The following SCO1 variants were observed in gnomAD, a reference collection of about 807,000 sequenced individuals.
SCO1 encodes the protein cytochrome c oxidase assembly factor SCO1.
Under a neutral mutation model 34.0 loss-of-function variants are expected in SCO1, and 23 were observed. The ratio of observed to expected loss-of-function variants is 0.68; its 90% confidence interval spans 0.49 to 0.96. The LOEUF is 0.96. Among genes scored for constraint, SCO1 ranks in the 40% least tolerant of loss-of-function variants. The pLI, the probability that SCO1 is intolerant of heterozygous loss-of-function variation, is 0.00. For synonymous variants in SCO1, 161 were observed against 145.5 expected (o/e 1.11, Z -0.77); for missense variants, 404 against 381.6 (o/e 1.06, Z -0.49).
At chr17:10,692,650 G>A (rs1443804508) in intron 3 of SCO1, 114 bp downstream of exon 3, 2 of 853,114 alleles carry the variant, frequency 2.3e-6, no homozygotes, top group Admixed American at 1.9e-5. Context: ...GAGATTTTAT[G>A]TTCTTACAAA....
In SCO1 at chr17:10,673,813, C is replaced by T. The variant is rs1567570304; in HGVS notation, c.*7306G>A. 2.0e-5 allele frequency: 3 copies of T among 152,168 alleles called. No homozygotes were observed. The highest frequency in any genetic ancestry group is 2.4e-5 in the African/African-American group (1 of 41,444). 9.4% of individuals were successfully genotyped at this position (152,168 alleles called of 1,614,324 possible). ...ATATTATAACAACTCGATGGAGAAA[C>T]GCTTGGTATACTGTGCTGAATAGAA... On this transcript the variant is annotated 3_prime_UTR_variant, in exon 6 of 6. Transcript: ENST00000255390.
rs1270305735 is a variant in SCO1 at position 10,686,712 on chromosome 17, G to A, written c.771+15C>T. Reference sequence around the variant, plus strand: ...GGGAGCTGGTCCATGGGTTAAAACTGGAACATTTACTCACTATGTAGTCTT... The same window carrying A: ...GGGAGCTGGTCCATGGGTTAAAACTAGAACATTTACTCACTATGTAGTCTT... On this transcript the variant is annotated intron_variant, in intron 5 of 5. Coordinates refer to ENST00000255390, the MANE Select transcript of SCO1 (RefSeq NM_004589.4). 1 of 1,508,550 alleles carries A rather than the reference G, an allele frequency of 6.6e-7. No homozygotes were observed. Among genetic ancestry groups the A allele is most frequent in the East Asian group, 2.3e-5 (1 of 44,430 alleles). The allele number at this position is 1,508,550 out of a possible 1,614,324, so 93.4% of individuals were successfully genotyped here. A position where few individuals can be genotyped will look rare whatever the true frequency, so the allele number is the denominator to read the frequency against.
intron 2 of SCO1, 32 bp downstream of exon 2, chr17:10,695,709 A>G: frequency 6.8e-7 from 1 of 1,478,418 alleles, no homozygotes; most frequent in Non-Finnish European, 9.4e-7. Flanking sequence ...GAAGACCTTT[A>G]TACAGGGCTG....
intron 5 of SCO1, among the ~76,000 whole-genome samples, chr17:10,681,637 G>T (rs922717297): frequency 2.0e-5 from 3 of 152,118 alleles, no homozygotes. Flanking sequence ...CTTCATTTTT[G>T]AGTAAGATAT....
chr17:10,688,294 A>C (rs1231729848), intron 4 of SCO1, among the ~76,000 whole-genome samples: 1 of 152,236 alleles, frequency 6.6e-6, no homozygotes. Context: ...ATACATATAC[A>C]CATAATGTGA....
At chr17:10,695,607 C>T (rs1468312715) in intron 2 of SCO1, 134 bp downstream of exon 2, 13 of 656,024 alleles carry the variant, frequency 2.0e-5, no homozygotes, top group Non-Finnish European at 3.6e-5. Flanking sequence ...GTATGTAGAA[C>T]CTATGCTATC....
Position 10,679,215 on chromosome 17 carries a change from T to G in SCO1, c.*1904A>C, listed in dbSNP as rs950588745. 7 of 152,418 alleles carry G rather than the reference T, an allele frequency of 4.6e-5. No individual in the cohort carries two copies. The highest frequency in any genetic ancestry group is 1.7e-4 in the African/African-American group (7 of 41,580). 9.4% of individuals were successfully genotyped at this position (152,418 alleles called of 1,614,324 possible). A position where few individuals can be genotyped will look rare whatever the true frequency, so the allele number is the denominator to read the frequency against. ...TGCACGCCTCGGCCTCCCAAAGTGC[T>G]GGGATTACAGGCATAAGCCACTGTG... On this transcript the variant is annotated 3_prime_UTR_variant, in exon 6 of 6. Transcript: ENST00000255390.
At chr17:10,689,291 T>C (rs943784669) in intron 4 of SCO1, among the ~76,000 whole-genome samples, 6 of 152,156 alleles carry the variant, frequency 3.9e-5, no homozygotes, top group Admixed American at 3.3e-4. Context: ...CAAATATCTA[T>C]ACTTTATTGC....
intron 5 of SCO1, 55 bp downstream of exon 5, chr17:10,686,672 G>A: frequency 9.8e-7 from 1 of 1,018,730 alleles, no homozygotes; most frequent in South Asian, 1.3e-5. Flanking sequence ...AAAGCCTTAT[G>A]ACTATTTGGG....
intron 5 of SCO1, among the ~76,000 whole-genome samples, chr17:10,683,542 G>A (rs1458967878): frequency 3.9e-5 from 6 of 151,978 alleles, no homozygotes; most frequent in Admixed American, 3.9e-4. Context: ...CACTCCTGCA[G>A]TTTATTTCCT....
At chr17:10,682,434 C>A (rs372002091) in intron 5 of SCO1, among the ~76,000 whole-genome samples, 2 of 152,138 alleles carry the variant, frequency 1.3e-5, no homozygotes, top group Non-Finnish European at 2.9e-5. Context: ...CGGGGGGCTA[C>A]GTTTCTCCAC....
In SCO1 at chr17:10,680,899, C is replaced by T. The variant is rs530589041; in HGVS notation, c.*220G>A. The T allele has an allele frequency of 2.7e-5, 16 of 590,012 alleles. No individual in the cohort carries two copies. Among genetic ancestry groups the T allele is most frequent in the African/African-American group, 2.6e-4 (14 of 53,870 alleles). The allele number at this position is 590,012 out of a possible 1,614,324, so 36.5% of individuals were successfully genotyped here. On this transcript the variant is annotated 3_prime_UTR_variant, in exon 6 of 6. Coordinates refer to ENST00000255390, the MANE Select transcript of SCO1 (RefSeq NM_004589.4). ...TCAGCTTGATCCTCTGGTCTCCCCA[C>T]AGCTTCCTGGGAGACTTTGGGTTGT... is the stretch of plus-strand genomic sequence containing the variant.
At position 10,697,162 on chromosome 17, in the gene SCO1, C is replaced by T. The variant is rs73287624; in HGVS notation, c.273+73G>A. ...GGCGGAGTAGTGTCTGAGGTTACGA[C>T]CAAGTGGGATGTGGCCGCTGGGCTG... On this transcript the variant is annotated intron_variant, in intron 1 of 5. Coordinates refer to ENST00000255390, the MANE Select transcript of SCO1 (RefSeq NM_004589.4). 358 of 1,393,042 alleles carry T rather than the reference C, an allele frequency of 2.6e-4. 1 individual carries two copies. The African/African-American group carries it at 4.4e-3, about 17-fold the overall frequency. 86.3% of individuals were successfully genotyped at this position (1,393,042 alleles called of 1,614,324 possible). A position where few individuals can be genotyped will look rare whatever the true frequency, so the allele number is the denominator to read the frequency against.
At chr17:10,690,823 G>C (rs755143631) in intron 4 of SCO1, among the ~76,000 whole-genome samples, 4 of 151,142 alleles carry the variant, frequency 2.6e-5, no homozygotes, top group African/African-American at 9.9e-5. Context: ...AGAAAATGCA[G>C]TATACATACG....
In SCO1 at chr17:10,695,739, ACT is replaced by A. The variant is rs587776629; in HGVS notation, c.364_364+1del. ...GGGCTGAGCAGATGATAATCTACTT[ACT>A]CTCTGCCTTTTCTTTCTTGACGTGC... On this transcript the variant is annotated splice_donor_variant and coding_sequence_variant, in exon 2 of 6. Coordinates refer to ENST00000255390, the MANE Select transcript of SCO1 (RefSeq NM_004589.4). LOFTEE classifies it high-confidence loss of function. 1.2e-4 allele frequency: 186 copies of A among 1,600,322 alleles called. No homozygotes were observed. The highest frequency in any genetic ancestry group is 1.5e-4 in the Non-Finnish European group (173 of 1,167,914).
At position 10,679,943 on chromosome 17, in the gene SCO1, C is replaced by T. The variant is rs1272355682; in HGVS notation, c.*1176G>A. 4 of 60,264 alleles carry T rather than the reference C, an allele frequency of 6.6e-5. No homozygotes were observed. Among genetic ancestry groups the T allele is most frequent in the African/African-American group, 2.9e-4 (4 of 13,560 alleles). 3.7% of individuals were successfully genotyped at this position (60,264 alleles called of 1,614,324 possible). On this transcript the variant is annotated 3_prime_UTR_variant, in exon 6 of 6. Coordinates refer to ENST00000255390, the MANE Select transcript of SCO1 (RefSeq NM_004589.4). Reference sequence around the variant, plus strand: ...GCATGTGCCACCATGCCAAAAAAATCTTCTGTAGAGATGGGGGCGGGGGGG... The same window carrying T: ...GCATGTGCCACCATGCCAAAAAAATTTTCTGTAGAGATGGGGGCGGGGGGG...
intron 1 of SCO1, among the ~76,000 whole-genome samples, chr17:10,696,929 C>A (rs910657926): frequency 6.6e-6 from 1 of 151,594 alleles, no homozygotes; most frequent in African/African-American, 2.4e-5. Context: ...TAGGTTCATA[C>A]CCTTAAGAAA....
chr17:10,693,321 G>C (rs1305525958), intron 2 of SCO1, among the ~76,000 whole-genome samples: 1 of 152,124 alleles, frequency 6.6e-6, no homozygotes, highest in Non-Finnish European at 1.5e-5. Flanking sequence ...CTGGCATAGG[G>C]AGTCTGATCC....
chr17:10,689,740 C>T (rs2074679161), intron 4 of SCO1, among the ~76,000 whole-genome samples: 1 of 152,122 alleles, frequency 6.6e-6, no homozygotes, highest in South Asian at 2.1e-4. Context: ...CCACAACAGA[C>T]CCCTAATAGC....
Sources: allele counts gnomAD v4.1 joint callset (sites outside exome capture counted in the v4.1 genomes callset), GRCh38; gene constraint gnomAD v4.1.1; transcripts MANE v1.5; gene names NCBI Gene and HGNC (gene_info 2026-07-23, HGNC 2026-07-21).